Variants in RASSF6 observed in about 807,000 individuals in gnomAD.
The protein encoded by RASSF6 is Ras association domain family member 6, also known as ras association domain-containing protein 6.
RASSF6 carries 52 observed loss-of-function variants against 44.0 expected under a neutral mutation model. The ratio of observed to expected loss-of-function variants is 1.18; its 90% CI spans 0.95 to 1.49. The LOEUF (loss-of-function observed/expected upper bound fraction) is 1.49. RASSF6 is among the 40% of genes most tolerant of loss of function. RASSF6 has a pLI of 0.00. For missense variants in RASSF6, 464 were observed against 393.3 expected, an observed-to-expected ratio of 1.18 and a Z score of -1.52; for synonymous variants, 162 against 124.6, an observed-to-expected ratio of 1.30 and a Z score of -2.00.
chr4:73,575,048 T>A lies in RASSF6; in HGVS notation c.*1187A>T, dbSNP rs1339766376. 6.6e-6 allele frequency: 1 copy of A among 152,196 alleles called. No individual in the cohort carries two copies. Among genetic ancestry groups the A allele is most frequent in the African/African-American group, 2.4e-5 (1 of 41,446 alleles). 9.4% of individuals were successfully genotyped at this position (152,196 alleles called of 1,614,324 possible). A position where few individuals can be genotyped will look rare whatever the true frequency, so the allele number is the denominator to read the frequency against. Reference sequence around the variant, plus strand: ...CTTTCACCTTCAACCAGTTTAGGTTTGGTAATACTGAGAAGTAATGCCTTT... The same window carrying A: ...CTTTCACCTTCAACCAGTTTAGGTTAGGTAATACTGAGAAGTAATGCCTTT... On this transcript the variant is annotated 3_prime_UTR_variant, in exon 11 of 11. Coordinates refer to ENST00000307439, the MANE Select transcript of RASSF6 (RefSeq NM_177532.5).
At chr4:73,600,160 A>T (rs1247655) in intron 2 of RASSF6, among the ~76,000 whole-genome samples, 2 of 152,178 alleles carry the variant, frequency 1.3e-5, no homozygotes, top group Non-Finnish European at 2.9e-5. Context: ...CCCTGAGTCA[A>T]CTTCTATATA....
chr4:73,611,321 A>G (rs1725997355), intron 2 of RASSF6, among the ~76,000 whole-genome samples: 2 of 152,158 alleles, frequency 1.3e-5, no homozygotes, highest in African/African-American at 4.8e-5. Flanking sequence ...GCATAATCTA[A>G]TGTCAAGAGG....
intron 2 of RASSF6, among the ~76,000 whole-genome samples, chr4:73,603,061 C>T (rs1725389477): frequency 6.6e-6 from 1 of 152,048 alleles, no homozygotes; most frequent in African/African-American, 2.4e-5. Context: ...GCACTCCAGC[C>T]TGGGCGACGG....
intron 1 of RASSF6, among the ~76,000 whole-genome samples, chr4:73,614,858 A>C (rs1726242250): frequency 6.6e-6 from 1 of 152,196 alleles, no homozygotes; most frequent in Non-Finnish European, 1.5e-5. Flanking sequence ...AAACAGGATA[A>C]AATTTTCATT....
At chr4:73,592,809 T>C (rs1724649191) in intron 4 of RASSF6, among the ~76,000 whole-genome samples, 2 of 152,128 alleles carry the variant, frequency 1.3e-5, no homozygotes. Flanking sequence ...GTAAATCAAA[T>C]TCTGACTTTA....
chr4:73,605,650 G>A (rs2149391585), intron 2 of RASSF6, among the ~76,000 whole-genome samples: 1 of 152,324 alleles, frequency 6.6e-6, no homozygotes, highest in South Asian at 2.1e-4. Flanking sequence ...AGAAATTTGT[G>A]GAGAAGTAGT....
intron 8 of RASSF6, 91 bp from the exon 9 acceptor site, chr4:73,576,822 C>A: frequency 2.4e-6 from 2 of 833,872 alleles, no homozygotes; most frequent in South Asian, 1.9e-5. Context: ...TCGTATTTAA[C>A]TCACTTTGAA....
intron 5 of RASSF6, 132 bp downstream of exon 5, chr4:73,587,708 T>A: frequency 2.2e-6 from 1 of 462,040 alleles, no homozygotes; most frequent in Non-Finnish European, 3.9e-6. Flanking sequence ...TATTTAAAAA[T>A]ATATATACAT....
chr4:73,619,790 A>C (rs1024176717), intron 1 of RASSF6, among the ~76,000 whole-genome samples: 7 of 148,870 alleles, frequency 4.7e-5, no homozygotes, highest in African/African-American at 1.7e-4. Context: ...TTGAAAATTC[A>C]TTTTTTTTTT....
rs537569045 is a variant in RASSF6 at position 73,591,740 on chromosome 4, A to G, written c.287+1711T>C. On this transcript the variant is annotated intron_variant, in intron 4 of 10. Transcript: ENST00000307439. The stretch of plus-strand genomic sequence containing the variant: ...CTTGGATGGGAGACGAGATAGATAG[A>G]GGGACTAAGTAGTGACAACAAAGCA... Among the ~76,000 whole-genome samples the G allele has an allele frequency of 1.1e-3, 174 of 152,228 alleles. 1 individual carries two copies. The highest frequency in any genetic ancestry group is 6.8e-3 in the Middle Eastern group (2 of 294).
intron 5 of RASSF6, among the ~76,000 whole-genome samples, chr4:73,586,772 A>T (rs182965044): frequency 6.6e-6 from 1 of 152,080 alleles, no homozygotes; most frequent in Non-Finnish European, 1.5e-5. Context: ...TCTAAAAGAT[A>T]ATTGGAAGGG....
Position 73,615,833 on chromosome 4 carries a change from G to A in RASSF6, c.-34-4004C>T, listed in dbSNP as rs533543113. The stretch of plus-strand genomic sequence containing the variant: ...ATTAGCGTTCCAGCAATGCTGGAAC[G>A]TGGTTCACCTCCCCCTGCTCTGCAT... On this transcript the variant is annotated intron_variant, in intron 1 of 10. Transcript: ENST00000307439. 73 of 1,379,040 alleles carry A rather than the reference G, an allele frequency of 5.3e-5. 1 individual carries two copies. The highest frequency in any genetic ancestry group is 9.9e-5 in the South Asian group (8 of 80,412). 85.4% of individuals were successfully genotyped at this position (1,379,040 alleles called of 1,614,324 possible).
chr4:73,586,491 C>T (rs1383801706), intron 5 of RASSF6, among the ~76,000 whole-genome samples: 1 of 151,872 alleles, frequency 6.6e-6, no homozygotes, highest in African/African-American at 2.4e-5. Context: ...TCAAACCTGC[C>T]TTCTGCCCCC....
rs1036056005 is a variant in RASSF6, at chr4:73,572,994, C to A, written c.*3241G>T. ...ATATATAATATATATGCCTTAAGTA[C>A]ATAATAAATATTTTGGAACATGTGT... On this transcript the variant is annotated 3_prime_UTR_variant, in exon 11 of 11. Coordinates refer to ENST00000307439, the MANE Select transcript of RASSF6 (RefSeq NM_177532.5). 42 of 151,908 alleles carry A rather than the reference C, an allele frequency of 2.8e-4. No homozygotes were observed. The highest frequency in any genetic ancestry group is 9.7e-4 in the African/African-American group (40 of 41,412). 9.4% of individuals were successfully genotyped at this position (151,908 alleles called of 1,614,324 possible). A position where few individuals can be genotyped will look rare whatever the true frequency, so the allele number is the denominator to read the frequency against.
intron 1 of RASSF6, among the ~76,000 whole-genome samples, chr4:73,617,765 T>C (rs1726454597): frequency 1.3e-5 from 2 of 152,244 alleles, no homozygotes; most frequent in Non-Finnish European, 2.9e-5. Context: ...AATTTATCAT[T>C]TTAAACATAC....
chr4:73,618,857 G>C (rs1288447605), intron 1 of RASSF6, among the ~76,000 whole-genome samples: 1 of 152,154 alleles, frequency 6.6e-6, no homozygotes, highest in African/African-American at 2.4e-5. Context: ...GAAATTACTA[G>C]TCATAGACAC....
chr4:73,609,234 C>A (rs906412370), intron 2 of RASSF6, among the ~76,000 whole-genome samples: 6 of 152,068 alleles, frequency 3.9e-5, no homozygotes, highest in Admixed American at 3.9e-4. Context: ...CATTTATTCA[C>A]CTCTAAAGTG....
At chr4:73,608,078 T>C (rs559289466) in intron 2 of RASSF6, among the ~76,000 whole-genome samples, 1 of 137,168 alleles carries the variant, frequency 7.3e-6, no homozygotes, top group Admixed American at 7.6e-5. Context: ...CTCTTCCTCC[T>C]CCTCCTTGCT....
At chr4:73,603,694 T>TC (rs1225083168) in intron 2 of RASSF6, among the ~76,000 whole-genome samples, 4 of 152,218 alleles carry the variant, frequency 2.6e-5, no homozygotes, top group African/African-American at 7.2e-5. Context: ...AATGAGTTCC[T>TC]CAATCTTATC....
Sources: allele counts gnomAD v4.1 joint callset (sites outside exome capture counted in the v4.1 genomes callset), GRCh38; gene constraint gnomAD v4.1.1; transcripts MANE v1.5; gene names NCBI Gene and HGNC (gene_info 2026-07-23, HGNC 2026-07-21).